Variants in SMG6 observed in about 807,000 individuals in gnomAD.
The protein encoded by SMG6 is SMG6 nonsense mediated mRNA decay factor, also known as telomerase-binding protein EST1A.
In SMG6, 66 loss-of-function variants were observed where a neutral mutation model predicts 142.2. That is an observed-to-expected ratio of 0.46 (90% CI 0.38 to 0.57). The LOEUF is 0.57. SMG6 is among the 20% of genes least tolerant of loss of function. The probability of loss-of-function intolerance (pLI) is 0.00; values close to 1 mark genes in which losing one functional copy is unlikely to be tolerated. For missense variants in SMG6, 1,793 were observed against 1,832.0 expected (o/e 0.98, Z 0.39); for synonymous variants, 779 against 702.4 (o/e 1.11, Z -1.72).
At chr17:2,180,317 G>GC (rs1025674582) in intron 12 of SMG6, among the ~76,000 whole-genome samples, 3 of 152,178 alleles carry the variant, frequency 2.0e-5, no homozygotes, top group African/African-American at 7.2e-5. Context: ...TTTCACAGTG[G>GC]CCCCAGGCCA....
At chr17:2,114,466 G>C (rs2069435964) in intron 13 of SMG6, among the ~76,000 whole-genome samples, 1 of 152,136 alleles carries the variant, frequency 6.6e-6, no homozygotes, top group South Asian at 2.1e-4. Context: ...TTGGGAAACT[G>C]TCTGCAAGTC....
intron 13 of SMG6, among the ~76,000 whole-genome samples, chr17:2,139,648 T>C (rs946306247): frequency 3.9e-5 from 6 of 152,088 alleles, no homozygotes; most frequent in African/African-American, 1.4e-4. Context: ...CTTGAACTCC[T>C]GACCGCAAGT....
chr17:2,248,596 A>G (rs2073974043), intron 8 of SMG6, among the ~76,000 whole-genome samples: 1 of 152,186 alleles, frequency 6.6e-6, no homozygotes, highest in Admixed American at 6.5e-5. Context: ...CTTTTCAACT[A>G]GTGGGAGTGA....
At chr17:2,260,824 T>A (rs2074293929) in intron 8 of SMG6, among the ~76,000 whole-genome samples, 1 of 151,148 alleles carries the variant, frequency 6.6e-6, no homozygotes, top group African/African-American at 2.4e-5. Flanking sequence ...GGCAAAACCC[T>A]GTCTCTACTG....
At chr17:2,286,008 A>AG (rs1478800781) in intron 6 of SMG6, among the ~76,000 whole-genome samples, 5 of 152,132 alleles carry the variant, frequency 3.3e-5, no homozygotes, top group Non-Finnish European at 7.4e-5. Context: ...AGAAAGACAG[A>AG]GAAAAAAAAG....
At chr17:2,298,504 G>C (rs1597236451) in intron 2 of SMG6, among the ~76,000 whole-genome samples, 1 of 152,138 alleles carries the variant, frequency 6.6e-6, no homozygotes, top group Non-Finnish European at 1.5e-5. Context: ...CGGATCACGA[G>C]GTCAGGAGAT....
At chr17:2,145,715 A>T (rs996043438) in intron 13 of SMG6, among the ~76,000 whole-genome samples, 3 of 151,002 alleles carry the variant, frequency 2.0e-5, no homozygotes, top group Non-Finnish European at 4.4e-5. Context: ...ATGCTGATGT[A>T]CCTCCAGAAA....
intron 13 of SMG6, among the ~76,000 whole-genome samples, chr17:2,141,080 G>A (rs2070464744): frequency 6.6e-6 from 1 of 152,198 alleles, no homozygotes; most frequent in Admixed American, 6.5e-5. Context: ...GCCACATGTG[G>A]ATATTTCAAT....
intron 10 of SMG6, among the ~76,000 whole-genome samples, chr17:2,205,427 C>A (rs1187409972): frequency 6.6e-6 from 1 of 152,130 alleles, no homozygotes; most frequent in Non-Finnish European, 1.5e-5. Flanking sequence ...TATATTTACT[C>A]TTTTATACCA....
intron 1 of SMG6, among the ~76,000 whole-genome samples, chr17:2,301,574 G>A (rs1036306628): frequency 3.3e-5 from 5 of 152,206 alleles, no homozygotes; most frequent in Non-Finnish European, 5.9e-5. Flanking sequence ...CGGGCGCGGT[G>A]GGTCACGCCT....
chr17:2,208,959 T>G (rs2072768506), intron 10 of SMG6, among the ~76,000 whole-genome samples: 1 of 152,114 alleles, frequency 6.6e-6, no homozygotes, highest in Non-Finnish European at 1.5e-5. Context: ...GTGGGTGGGT[T>G]GCCTGAGCTC....
intron 8 of SMG6, among the ~76,000 whole-genome samples, chr17:2,281,272 C>T (rs1258062712): frequency 6.6e-6 from 1 of 152,042 alleles, no homozygotes; most frequent in Non-Finnish European, 1.5e-5. Flanking sequence ...ACTAGAGGCC[C>T]GCATCACCAT....
intron 12 of SMG6, among the ~76,000 whole-genome samples, chr17:2,179,870 G>T (rs2071753635): frequency 6.6e-6 from 1 of 152,160 alleles, no homozygotes; most frequent in South Asian, 2.1e-4. Context: ...GATTAAACCT[G>T]GGAAAGCCTC....
chr17:2,079,767 C>T (rs778779639), intron 15 of SMG6, among the ~76,000 whole-genome samples: 2 of 151,932 alleles, frequency 1.3e-5, no homozygotes, highest in Non-Finnish European at 2.9e-5. Flanking sequence ...GTAGCAGGGA[C>T]GTGAATCTGT....
intron 12 of SMG6, among the ~76,000 whole-genome samples, chr17:2,184,721 T>C (rs910603164): frequency 6.8e-6 from 1 of 147,434 alleles, no homozygotes; most frequent in African/African-American, 2.5e-5. Flanking sequence ...TCCCAGCACT[T>C]TGGGAGGCTG....
intron 12 of SMG6, among the ~76,000 whole-genome samples, chr17:2,175,589 C>T (rs2071632624): frequency 6.9e-6 from 1 of 144,038 alleles, no homozygotes; most frequent in Non-Finnish European, 1.5e-5. Flanking sequence ...CCCACATACG[C>T]CTTTTTGCCC....
At chr17:2,206,911 A>C (rs1416817197) in intron 10 of SMG6, among the ~76,000 whole-genome samples, 2 of 151,820 alleles carry the variant, frequency 1.3e-5, no homozygotes, top group Non-Finnish European at 2.9e-5. Context: ...AATAACGATA[A>C]TGATAATAAT....
chr17:2,200,756 G>T (rs1330314740), intron 10 of SMG6, among the ~76,000 whole-genome samples: 1 of 152,032 alleles, frequency 6.6e-6, no homozygotes, highest in Non-Finnish European at 1.5e-5. Context: ...GTTGCCCAGG[G>T]TGGAGTGCAG....
intron 13 of SMG6, among the ~76,000 whole-genome samples, chr17:2,151,525 AT>A (rs1383425596): frequency 6.6e-6 from 1 of 152,228 alleles, no homozygotes; most frequent in Admixed American, 6.5e-5. Context: ...TCCTGGAGAA[AT>A]GGTCAGATCT....
Sources: gnomAD v4.1 joint callset for allele counts (sites outside exome capture counted in the v4.1 genomes callset) on GRCh38, gnomAD v4.1.1 for gene constraint, MANE v1.5 for transcripts, NCBI Gene and HGNC (gene_info 2026-07-23, HGNC 2026-07-21) for gene names.